Variants in USP13 observed in about 807,000 individuals in gnomAD.
USP13 encodes the protein ubiquitin specific peptidase 13, also known as ubiquitin carboxyl-terminal hydrolase 13.
Under a neutral mutation model 107.8 loss-of-function variants are expected in USP13, and 68 were observed. That is an observed-to-expected ratio of 0.63 (90% CI 0.52 to 0.77). The LOEUF is 0.77. Among genes scored for constraint, USP13 ranks in the 30% least tolerant of loss-of-function variants. The pLI, the probability that USP13 is intolerant of heterozygous loss-of-function variation, is 0.00. For synonymous variants in USP13, 377 were observed against 389.5 expected, an observed-to-expected ratio of 0.97 and a Z score of 0.38; for missense variants, 945 against 1,093.3, an observed-to-expected ratio of 0.86 and a Z score of 1.91.
chr3:179,668,204 T>G lies in USP13; in HGVS notation c.169-13674T>G, dbSNP rs191240388. ...TTTTAGAGATGGGGTCTCGCTATGC[T>G]GCCCAGGCTGGCATCGACCTCCTGG... is the stretch of plus-strand genomic sequence containing the variant. On this transcript the variant is annotated intron_variant, in intron 1 of 20. Coordinates refer to ENST00000263966, the MANE Select transcript of USP13 (RefSeq NM_003940.3). Among the ~76,000 whole-genome samples, 464 of 152,306 alleles carry G rather than the reference T, an allele frequency of 3.0e-3. 2 individuals are homozygous for G. Among genetic ancestry groups the G allele is most frequent in the Middle Eastern group, 0.014 (4 of 294 alleles).
intron 2 of USP13, among the ~76,000 whole-genome samples, chr3:179,683,161 G>A (rs370386013): frequency 6.7e-6 from 1 of 149,490 alleles, no homozygotes; most frequent in Non-Finnish European, 1.5e-5. Flanking sequence ...TTACATTCTG[G>A]ATACCAAACC....
At chr3:179,778,546 C>T (rs1715625072) in intron 19 of USP13, among the ~76,000 whole-genome samples, 1 of 152,080 alleles carries the variant, frequency 6.6e-6, no homozygotes, top group South Asian at 2.1e-4. Flanking sequence ...GGTGGATTAC[C>T]TGAGGTCAGG....
At chr3:179,665,462 A>G (rs1273417388) in intron 1 of USP13, among the ~76,000 whole-genome samples, 3 of 152,240 alleles carry the variant, frequency 2.0e-5, no homozygotes, top group African/African-American at 7.2e-5. Context: ...GGATGAGGAA[A>G]TGGAGAGTCA....
Position 179,707,482 on chromosome 3 carries a change from T to A in USP13, c.620+406T>A, listed in dbSNP as rs1712765945. 2.0e-5 allele frequency among the ~76,000 whole-genome samples: 3 copies of A among 152,204 alleles called. No homozygotes were observed. In the South Asian group the frequency reaches 6.2e-4, roughly 31 times the overall value. On this transcript the variant is annotated intron_variant, in intron 5 of 20. Coordinates refer to ENST00000263966, the MANE Select transcript of USP13 (RefSeq NM_003940.3). The stretch of plus-strand genomic sequence containing the variant: ...GTTTTCTGCCCCTGCAGGTGGGATA[T>A]CTGTCTCTTGCAATTCCCCATGTGG...
intron 3 of USP13, among the ~76,000 whole-genome samples, chr3:179,698,744 C>G (rs1191242889): frequency 1.3e-5 from 2 of 151,936 alleles, no homozygotes; most frequent in East Asian, 3.8e-4. Context: ...TGTCTATGAG[C>G]ATAATATAAA....
At chr3:179,684,267 CTTT>C (rs1266451042) in intron 2 of USP13, among the ~76,000 whole-genome samples, 5 of 78,654 alleles carry the variant, frequency 6.4e-5, no homozygotes, top group Non-Finnish European at 1.3e-4. Flanking sequence ...CAGTATCACC[CTTT>C]ACACACACAC....
intron 4 of USP13, among the ~76,000 whole-genome samples, chr3:179,704,704 A>C (rs570010545): frequency 6.6e-6 from 1 of 152,314 alleles, no homozygotes; most frequent in South Asian, 2.1e-4. Flanking sequence ...ATGGGGGATG[A>C]GTTTTCAAAA....
At chr3:179,780,934 G>A (rs116571753) in intron 19 of USP13, among the ~76,000 whole-genome samples, 2,259 of 152,268 alleles carry the variant, frequency 0.015, 34 homozygotes, top group Middle Eastern at 0.065. Context: ...CTAAAGTCTT[G>A]TAAATGTGTT....
rs746949042 is a variant in USP13, at chr3:179,721,211, A to G, written c.901-191A>G. Among the ~76,000 whole-genome samples the G allele has an allele frequency of 3.3e-5, 5 of 152,196 alleles. No homozygotes were observed. The highest frequency in any genetic ancestry group is 4.8e-5 in the African/African-American group (2 of 41,438). On this transcript the variant is annotated intron_variant, in intron 7 of 20. Transcript: ENST00000263966. The surrounding 1 kb of genome is among the most constrained non-coding windows in gnomAD (Gnocchi z 4.3). ...GTTTTTAAGCGTGCAGTTCTCTGGC[A>G]TTATGTACATTCACTTTGTTGTGCC...
chr3:179,663,045 G>A (rs918344760), intron 1 of USP13, among the ~76,000 whole-genome samples: 1 of 152,178 alleles, frequency 6.6e-6, no homozygotes, highest in African/African-American at 2.4e-5. Flanking sequence ...TGGCATTGGA[G>A]TACATTCACA....
At chr3:179,679,430 A>G (rs1711573705) in intron 1 of USP13, among the ~76,000 whole-genome samples, 1 of 152,132 alleles carries the variant, frequency 6.6e-6, no homozygotes, top group African/African-American at 2.4e-5. Flanking sequence ...TTTATTGGCA[A>G]TTTTGACAGG....
At chr3:179,667,677 G>T (rs147181561) in intron 1 of USP13, among the ~76,000 whole-genome samples, 1 of 151,968 alleles carries the variant, frequency 6.6e-6, no homozygotes, top group Non-Finnish European at 1.5e-5. Flanking sequence ...ACAGAGTTTC[G>T]CTCTTCTTGC....
At chr3:179,684,055 G>A (rs551927289) in intron 2 of USP13, among the ~76,000 whole-genome samples, 5 of 151,824 alleles carry the variant, frequency 3.3e-5, no homozygotes, top group Admixed American at 2.6e-4. Flanking sequence ...CGGCCTCCTG[G>A]GTTCAAGTGA....
chr3:179,672,516 C>T (rs1720779647), intron 1 of USP13, among the ~76,000 whole-genome samples: 1 of 151,240 alleles, frequency 6.6e-6, no homozygotes, highest in South Asian at 2.1e-4. Context: ...TACTGAATAG[C>T]TGGGACTACA....
At chr3:179,698,825 G>C (rs12496310) in intron 3 of USP13, among the ~76,000 whole-genome samples, 6,316 of 151,140 alleles carry the variant, frequency 0.042, 306 homozygotes, top group Middle Eastern at 0.12. Flanking sequence ...TTCCTACATA[G>C]TCTAAATAAC....
At chr3:179,754,601 G>A (rs1298154968) in intron 14 of USP13, 131 bp from the exon 15 acceptor site, 41 of 1,235,154 alleles carry the variant, frequency 3.3e-5, no homozygotes, top group Middle Eastern at 3.0e-4. Flanking sequence ...TGCTGGTCGA[G>A]CAACATATTC....
chr3:179,752,469 A>G, intron 14 of USP13, 96 bp downstream of exon 14: 1 of 884,528 alleles, frequency 1.1e-6, no homozygotes, highest in Middle Eastern at 2.2e-4. Context: ...TGCCACAAAC[A>G]GTTCCATTTC....
chr3:179,687,052 C>T (rs1711898646), intron 2 of USP13, among the ~76,000 whole-genome samples: 2 of 152,254 alleles, frequency 1.3e-5, no homozygotes, highest in African/African-American at 4.8e-5. Context: ...TTTGTTTAAC[C>T]ACTTTCTCTA....
chr3:179,729,831 T>A (rs1227945197), intron 8 of USP13, among the ~76,000 whole-genome samples: 1 of 152,192 alleles, frequency 6.6e-6, no homozygotes, highest in Non-Finnish European at 1.5e-5. Flanking sequence ...GGTTCTTAAC[T>A]CTGGTTGCGT....
Sources: allele counts gnomAD v4.1 joint callset (sites outside exome capture counted in the v4.1 genomes callset), GRCh38; gene constraint gnomAD v4.1.1; non-coding constraint Gnocchi (gnomAD v3.1); transcripts MANE v1.5; gene names NCBI Gene and HGNC (gene_info 2026-07-23, HGNC 2026-07-21).